The following COL19A1 variants were observed in gnomAD, a reference collection of about 807,000 sequenced individuals.
COL19A1 encodes collagen alpha-1(XIX) chain.
Under a neutral mutation model 190.2 loss-of-function variants are expected in COL19A1, and 159 were observed. The observed-to-expected ratio is 0.84, with a 90% CI of 0.73 to 0.95. The LOEUF (loss-of-function observed/expected upper bound fraction) is 0.95, where lower values mean the gene tolerates loss of function less well. Ranked by LOEUF, COL19A1 falls within the 40% of genes least tolerant of loss-of-function variation. COL19A1 has a pLI of 0.00. For missense variants in COL19A1, 1,418 were observed against 1,431.9 expected, an observed-to-expected ratio of 0.99 and a Z score of 0.16; for synonymous variants, 509 against 458.9, an observed-to-expected ratio of 1.11 and a Z score of -1.39.
At chr6:70,035,522 T>A (rs973287135) in intron 13 of COL19A1, among the ~76,000 whole-genome samples, 1 of 152,192 alleles carries the variant, frequency 6.6e-6, no homozygotes, top group South Asian at 2.1e-4. Context: ...TTTCTGCTGA[T>A]CTTCATACTA....
chr6:70,168,089 T>C lies in COL19A1; in HGVS notation c.2496+14T>C. On this transcript the variant is annotated intron_variant, in intron 38 of 50. Transcript: ENST00000620364. ...TATAAAATTAAGGTATTTATATTTG[T>C]AATTATTTAAAATCCAGTTATAGAC... 1 of 1,581,766 alleles carries C rather than the reference T, an allele frequency of 6.3e-7. No individual in the cohort carries two copies. Among genetic ancestry groups the C allele is most frequent in the Non-Finnish European group, 8.6e-7 (1 of 1,157,966 alleles).
At chr6:69,941,009 C>T (rs1773430847) in intron 9 of COL19A1, among the ~76,000 whole-genome samples, 1 of 152,112 alleles carries the variant, frequency 6.6e-6, no homozygotes, top group African/African-American at 2.4e-5. Context: ...AAAATAATGC[C>T]TACATAACTT....
chr6:70,159,889 T>C (rs1478533813), intron 34 of COL19A1, among the ~76,000 whole-genome samples: 1 of 152,162 alleles, frequency 6.6e-6, no homozygotes, highest in African/African-American at 2.4e-5. Context: ...AAGAATGGAA[T>C]CATTCAGTCT....
intron 14 of COL19A1, among the ~76,000 whole-genome samples, chr6:70,048,861 T>G (rs1369668067): frequency 6.6e-6 from 1 of 152,128 alleles, no homozygotes; most frequent in Non-Finnish European, 1.5e-5. Flanking sequence ...GATTTATGAC[T>G]GAAATAAATA....
At chr6:70,072,959 T>TTTTATTTATTTATTTATTTA (rs70987496) in intron 15 of COL19A1, among the ~76,000 whole-genome samples, 4 of 144,104 alleles carry the variant, frequency 2.8e-5, no homozygotes, top group African/African-American at 5.2e-5. Context: ...ATTGCCTGAA[T>TTTTATTTATTTATTTATTTA]TTTATTTATT....
intron 15 of COL19A1, among the ~76,000 whole-genome samples, chr6:70,084,067 C>T (rs1397630424): frequency 6.6e-6 from 1 of 151,988 alleles, no homozygotes; most frequent in Non-Finnish European, 1.5e-5. Context: ...TTGGAAGATC[C>T]CTTTTACACA....
chr6:70,120,698 T>C (rs764830350), intron 16 of COL19A1, among the ~76,000 whole-genome samples: 35 of 152,192 alleles, frequency 2.3e-4, no homozygotes, highest in Non-Finnish European at 1.0e-4. Flanking sequence ...CCCATTATTT[T>C]CTCAAGAATT....
At chr6:70,097,674 A>G (rs1351452842) in intron 15 of COL19A1, among the ~76,000 whole-genome samples, 1 of 152,222 alleles carries the variant, frequency 6.6e-6, no homozygotes, top group East Asian at 1.9e-4. Context: ...GTTGCCAAAC[A>G]GAAAACTGAC....
chr6:70,089,022 A>G (rs1255327664), intron 15 of COL19A1, among the ~76,000 whole-genome samples: 1 of 152,146 alleles, frequency 6.6e-6, no homozygotes, highest in African/African-American at 2.4e-5. Context: ...GAACGTATGA[A>G]TATTGCCATG....
intron 15 of COL19A1, among the ~76,000 whole-genome samples, chr6:70,079,069 GA>G (rs1193906234): frequency 1.3e-5 from 2 of 152,002 alleles, no homozygotes; most frequent in African/African-American, 4.8e-5. Flanking sequence ...CTATCTCAAA[GA>G]AAAGAAAACT....
At chr6:69,982,475 G>A (rs565579100) in intron 11 of COL19A1, among the ~76,000 whole-genome samples, 7 of 151,794 alleles carry the variant, frequency 4.6e-5, no homozygotes, top group East Asian at 2.0e-4. Context: ...TCCTGACCTC[G>A]TGATCCACCT....
chr6:70,084,783 G>T (rs1292977795), intron 15 of COL19A1, among the ~76,000 whole-genome samples: 2 of 152,146 alleles, frequency 1.3e-5, no homozygotes, highest in Non-Finnish European at 2.9e-5. Flanking sequence ...GCTGTTTGTT[G>T]TTTGATTAGT....
chr6:70,170,903 A>G (rs1765458249), intron 40 of COL19A1, among the ~76,000 whole-genome samples: 2 of 152,218 alleles, frequency 1.3e-5, no homozygotes, highest in Admixed American at 1.3e-4. Flanking sequence ...TACAGAGAAC[A>G]CAATTTGAAA....
chr6:70,190,461 A>G (rs1766796138), intron 48 of COL19A1, 80 bp downstream of exon 48: 1 of 946,512 alleles, frequency 1.1e-6, no homozygotes, highest in African/African-American at 1.7e-5. Context: ...CTCCAGCAAC[A>G]TTCTCGAAAG....
chr6:70,048,988 A>G (rs1222874812), intron 14 of COL19A1, among the ~76,000 whole-genome samples: 5 of 151,958 alleles, frequency 3.3e-5, no homozygotes, highest in Non-Finnish European at 7.4e-5. Flanking sequence ...CATTCTGACT[A>G]GAATTAATAT....
At chr6:69,906,383 C>T (rs1012164327) in intron 4 of COL19A1, among the ~76,000 whole-genome samples, 4 of 152,102 alleles carry the variant, frequency 2.6e-5, no homozygotes, top group African/African-American at 9.7e-5. Flanking sequence ...TTGATAGCTA[C>T]TGGCTGTCTG....
intron 4 of COL19A1, among the ~76,000 whole-genome samples, chr6:69,904,078 C>G (rs73746810): frequency 0.012 from 1,886 of 152,214 alleles, 52 homozygotes; most frequent in African/African-American, 0.043. Context: ...GGCAGTGCCC[C>G]ACATATGGGG....
At chr6:70,038,925 T>G (rs6939371) in intron 14 of COL19A1, among the ~76,000 whole-genome samples, 8,149 of 152,002 alleles carry the variant, frequency 0.054, 710 homozygotes, top group African/African-American at 0.19. Context: ...GGCATGGTGG[T>G]GTGTGCCTGT....
At position 70,057,084 on chromosome 6, in the gene COL19A1, G is replaced by A. The variant is rs560365328; in HGVS notation, c.1171-11339G>A. ...TGCTGCCCATTGTTCCAAAAACATT[G>A]GAAGACATTTTAAAACCACATATGT... On this transcript the variant is annotated intron_variant, in intron 14 of 50. Coordinates refer to ENST00000620364, the MANE Select transcript of COL19A1 (RefSeq NM_001858.6). Among the ~76,000 whole-genome samples the A allele has an allele frequency of 6.2e-4, 94 of 152,230 alleles. 1 individual carries two copies. Among genetic ancestry groups the A allele is most frequent in the African/African-American group, 2.2e-3 (90 of 41,574 alleles).
Sources: gnomAD v4.1 joint callset for allele counts (sites outside exome capture counted in the v4.1 genomes callset) on GRCh38, gnomAD v4.1.1 for gene constraint, MANE v1.5 for transcripts, NCBI Gene and HGNC (gene_info 2026-07-23, HGNC 2026-07-21) for gene names.